PALM2AKAP2: variants seen among roughly 807,000 people sequenced by gnomAD.
PALM2AKAP2 encodes the protein PALM2-AKAP2 fusion protein.
In PALM2AKAP2, 37 loss-of-function variants were observed where a neutral mutation model predicts 71.5. The observed-to-expected ratio is 0.52, with a 90% confidence interval of 0.40 to 0.68. The LOEUF is 0.68. PALM2AKAP2 is among the 30% of genes least tolerant of loss of function. The pLI is 0.00. For missense variants in PALM2AKAP2, 1,224 were observed against 1,191.8 expected (o/e 1.03, Z -0.40); for synonymous variants, 468 against 478.8 (o/e 0.98, Z 0.29).
intron 6 of PALM2AKAP2, chr9:109,944,920 G>A (rs541019436): frequency 5.3e-5 from 8 of 152,196 alleles, no homozygotes; most frequent in African/African-American, 1.4e-4. Flanking sequence ...CCCATTTATA[G>A]CATTGTTATG....
intron 3 of PALM2AKAP2, among the ~76,000 whole-genome samples, chr9:109,898,739 T>C (rs1830261907): frequency 6.6e-6 from 1 of 152,232 alleles, no homozygotes; most frequent in African/African-American, 2.4e-5. Flanking sequence ...TCTTCTGCAC[T>C]AACTCTCCCT....
chr9:109,768,295 C>T lies in PALM2AKAP2; in HGVS notation c.6-12193C>T, dbSNP rs561454644. Reference sequence around the variant, plus strand: ...ATGTTTGTTATCTGAGGCCTTATTCCTTAGGATGACAGTCCAAGTACTTAA... The same window carrying T: ...ATGTTTGTTATCTGAGGCCTTATTCTTTAGGATGACAGTCCAAGTACTTAA... On this transcript the variant is annotated intron_variant, in intron 1 of 6. Transcript: ENST00000374531. Among the ~76,000 whole-genome samples, 5 of 151,962 alleles carry T rather than the reference C, an allele frequency of 3.3e-5. No homozygotes were observed. In the South Asian group the frequency reaches 6.2e-4, roughly 19 times the overall value.
intron 3 of PALM2AKAP2, among the ~76,000 whole-genome samples, chr9:109,899,133 A>C (rs1275943879): frequency 6.6e-6 from 1 of 151,934 alleles, no homozygotes; most frequent in African/African-American, 2.4e-5. Context: ...CTGCCCCCTA[A>C]CCATATCCAT....
At chr9:109,856,834 G>A (rs1587963890) in intron 1 of PALM2AKAP2, among the ~76,000 whole-genome samples, 1 of 152,190 alleles carries the variant, frequency 6.6e-6, no homozygotes, top group African/African-American at 2.4e-5. Flanking sequence ...GTATGTCTCT[G>A]TTTGGAATTA....
At chr9:109,737,655 A>G (rs570554141) in intron 1 of PALM2AKAP2, among the ~76,000 whole-genome samples, 1 of 152,372 alleles carries the variant, frequency 6.6e-6, no homozygotes, top group Non-Finnish European at 1.5e-5. Flanking sequence ...TACTGACCTC[A>G]TAGTAACAGT....
intron 1 of PALM2AKAP2, among the ~76,000 whole-genome samples, chr9:110,125,964 C>T (rs760311208): frequency 2.6e-5 from 4 of 152,094 alleles, no homozygotes; most frequent in Admixed American, 6.6e-5. Flanking sequence ...CCAAGTGACT[C>T]GGTGATTCTG....
At chr9:109,682,912 G>T (rs540964878) in intron 1 of PALM2AKAP2, among the ~76,000 whole-genome samples, 1 of 152,106 alleles carries the variant, frequency 6.6e-6, no homozygotes, top group Admixed American at 6.5e-5. Context: ...AAGAGTCTTC[G>T]CAGAGGTAAT....
chr9:110,005,342 A>C lies in PALM2AKAP2; in HGVS notation c.497-10612A>C, dbSNP rs141087125. Among the ~76,000 whole-genome samples, 155 of 152,334 alleles carry C rather than the reference A, an allele frequency of 1.0e-3. 2 individuals carry two copies. In the East Asian group the frequency reaches 0.029, roughly 28 times the overall value. ...TGCAGCGGAGGCTGCAGAACAGCAGATATTGGTGAACAGCAAATATTGCTC... is the reference window on the plus strand; with the variant it reads ...TGCAGCGGAGGCTGCAGAACAGCAGCTATTGGTGAACAGCAAATATTGCTC... On this transcript the variant is annotated intron_variant, in intron 6 of 9. Coordinates refer to the PALM2AKAP2 transcript ENST00000302798.
chr9:110,134,356 TTATAAA>T (rs1835800716), intron 1 of PALM2AKAP2, among the ~76,000 whole-genome samples: 1 of 152,048 alleles, frequency 6.6e-6, no homozygotes, highest in African/African-American at 2.4e-5. Flanking sequence ...ATATTAGCAA[TTATAAA>T]TATTAATTGT....
At chr9:110,124,584 C>T (rs2119023015) in intron 1 of PALM2AKAP2, among the ~76,000 whole-genome samples, 1 of 152,300 alleles carries the variant, frequency 6.6e-6, no homozygotes, top group South Asian at 2.1e-4. Context: ...GCAGGGGGCA[C>T]TGATAAACAC....
At chr9:109,702,960 A>G (rs1011961587) in intron 1 of PALM2AKAP2, among the ~76,000 whole-genome samples, 2 of 152,096 alleles carry the variant, frequency 1.3e-5, no homozygotes, top group Admixed American at 6.5e-5. Context: ...CTGGGAGTAC[A>G]GGCACATGCC....
intron 3 of PALM2AKAP2, among the ~76,000 whole-genome samples, chr9:110,164,445 G>A (rs929838250): frequency 2.6e-5 from 4 of 151,886 alleles, no homozygotes; most frequent in African/African-American, 4.8e-5. Context: ...AAGGGTTGTT[G>A]AGAGATAATT....
intron 1 of PALM2AKAP2, among the ~76,000 whole-genome samples, chr9:110,082,943 A>T (rs1041794810): frequency 2.0e-5 from 3 of 152,250 alleles, no homozygotes; most frequent in Admixed American, 6.5e-5. Context: ...GGAGTTCGAG[A>T]TCACCCTGAC....
At chr9:110,069,363 C>A (rs1834155450) in intron 1 of PALM2AKAP2, among the ~76,000 whole-genome samples, 1 of 152,192 alleles carries the variant, frequency 6.6e-6, no homozygotes, top group Non-Finnish European at 1.5e-5. Flanking sequence ...TACTAATTTT[C>A]ATTTGTGTAT....
At chr9:110,140,451 G>C (rs1305690522) in intron 2 of PALM2AKAP2, among the ~76,000 whole-genome samples, 2 of 152,158 alleles carry the variant, frequency 1.3e-5, no homozygotes, top group African/African-American at 2.4e-5. Context: ...AGATCTGAGT[G>C]CTAGCTGTGC....
upstream of PALM2AKAP2, chr9:110,048,663 G>C: frequency 6.7e-7 from 1 of 1,485,236 alleles, no homozygotes. Flanking sequence ...GGGGCTCCCC[G>C]CCCTCCAGCG....
At chr9:109,691,931 T>G (rs1272663857) in intron 1 of PALM2AKAP2, among the ~76,000 whole-genome samples, 1 of 134,008 alleles carries the variant, frequency 7.5e-6, no homozygotes, top group African/African-American at 2.8e-5. Context: ...TATACACATA[T>G]ATATATATAC....
intron 1 of PALM2AKAP2, among the ~76,000 whole-genome samples, chr9:110,072,273 A>G (rs922833502): frequency 1.3e-5 from 2 of 152,160 alleles, no homozygotes; most frequent in Non-Finnish European, 2.9e-5. Context: ...CCATAACCCA[A>G]ACTCAAGCTG....
intron 6 of PALM2AKAP2, among the ~76,000 whole-genome samples, chr9:109,990,998 C>T (rs1832471324): frequency 6.6e-6 from 1 of 152,102 alleles, no homozygotes; most frequent in South Asian, 2.1e-4. Flanking sequence ...AGTTAGGGCT[C>T]AGGGATATGG....
Sources: allele counts gnomAD v4.1 joint callset (sites outside exome capture counted in the v4.1 genomes callset), GRCh38; gene constraint gnomAD v4.1.1; transcripts MANE v1.5; gene names NCBI Gene and HGNC (gene_info 2026-07-23, HGNC 2026-07-21).